Variants in ARNT2 observed in about 807,000 individuals in gnomAD.
ARNT2 encodes aryl hydrocarbon receptor nuclear translocator 2, also known as ARNT protein 2.
In ARNT2, 36 loss-of-function variants were observed where a neutral mutation model predicts 91.7. The ratio of observed to expected loss-of-function variants is 0.39; its 90% confidence interval spans 0.30 to 0.52. The LOEUF (loss-of-function observed/expected upper bound fraction) is 0.52, where lower values mean the gene tolerates loss of function less well. Ranked by LOEUF, ARNT2 falls within the 20% of genes least tolerant of loss-of-function variation. The pLI, the probability that ARNT2 is intolerant of heterozygous loss-of-function variation, is 0.72. For missense variants in ARNT2, 775 were observed against 939.3 expected (o/e 0.83, Z 2.29); for synonymous variants, 365 against 347.1 (o/e 1.05, Z -0.57).
At chr15:80,520,030 A>G (rs1276046524) in intron 8 of ARNT2, among the ~76,000 whole-genome samples, 2 of 141,048 alleles carry the variant, frequency 1.4e-5, no homozygotes, top group Non-Finnish European at 3.1e-5. Context: ...CTTTGTACCT[A>G]TCTTATTTAG....
chr15:80,542,466 T>C (rs1897923801), intron 8 of ARNT2, among the ~76,000 whole-genome samples: 1 of 152,192 alleles, frequency 6.6e-6, no homozygotes, highest in Admixed American at 6.5e-5. Flanking sequence ...GCATTAGGAA[T>C]TAGACAGGGT....
chr15:80,552,810 A>G (rs1898106455), intron 10 of ARNT2, 36 bp downstream of exon 10: 1 of 1,602,814 alleles, frequency 6.2e-7, no homozygotes, highest in African/African-American at 1.3e-5. Flanking sequence ...GCAATTGACT[A>G]GAGATTTAAT....
At chr15:80,559,012 C>T (rs567835401) in intron 11 of ARNT2, among the ~76,000 whole-genome samples, 1 of 151,968 alleles carries the variant, frequency 6.6e-6, no homozygotes, top group Non-Finnish European at 1.5e-5. Flanking sequence ...GTGTTGTCTT[C>T]CCCATTTTTT....
Position 80,551,202 on chromosome 15 carries a change from T to A in ARNT2, c.881T>A (p.Met294Lys). ...ACACAGGTATTTCCCATTTCAGGAA[T>A]GACCATACCTGAAGAAGACGCTGAT... ...GYIKAWPPAG[M>K]TIPEEDADVG... Residue 294 changes from methionine to lysine, a missense_variant, in exon 9 of 19, where the codon ATG becomes AAG. Physicochemically the swap from Met to Lys is moderately conservative, Grantham distance 95 (BLOSUM62 -1). Around this residue, in one of 5 missense-constraint regions of ARNT2, gnomAD observed 285 missense variants for 327.2 expected, o/e 0.87. Transcript: ENST00000303329. 4 of 1,613,728 alleles carry A rather than the reference T, an allele frequency of 2.5e-6. No homozygotes were observed. The highest frequency in any genetic ancestry group is 3.4e-6 in the Non-Finnish European group (4 of 1,179,674).
intron 6 of ARNT2, among the ~76,000 whole-genome samples, chr15:80,510,470 T>A (rs1368561867): frequency 6.6e-6 from 1 of 152,148 alleles, no homozygotes; most frequent in Non-Finnish European, 1.5e-5. Context: ...TCACTGATTA[T>A]TACAGAAATG....
intron 5 of ARNT2, among the ~76,000 whole-genome samples, chr15:80,492,421 G>A (rs569936063): frequency 4.6e-5 from 7 of 152,092 alleles, no homozygotes; most frequent in East Asian, 1.9e-4. Context: ...CCAGTCTCTC[G>A]GGGTCCTTCA....
chr15:80,460,512 A>G (rs1279323811), intron 3 of ARNT2, among the ~76,000 whole-genome samples: 1 of 152,234 alleles, frequency 6.6e-6, no homozygotes, highest in Non-Finnish European at 1.5e-5. Flanking sequence ...TGCCAGTGCC[A>G]TAAATGTTCT....
chr15:80,446,733 A>T (rs1409479774), intron 1 of ARNT2, among the ~76,000 whole-genome samples: 1 of 150,918 alleles, frequency 6.6e-6, no homozygotes, highest in African/African-American at 2.4e-5. Context: ...AAGATGGCAG[A>T]GTGCTGGAAA....
chr15:80,536,326 C>T (rs1204066046), intron 8 of ARNT2, among the ~76,000 whole-genome samples: 1 of 152,158 alleles, frequency 6.6e-6, no homozygotes, highest in Non-Finnish European at 1.5e-5. Context: ...ATTGGTTGGA[C>T]CAGGTGTGAC....
intron 11 of ARNT2, among the ~76,000 whole-genome samples, chr15:80,561,226 A>C (rs1898341391): frequency 2.6e-5 from 4 of 152,116 alleles, no homozygotes; most frequent in Admixed American, 2.6e-4. Context: ...GATCACAGGG[A>C]CCAAGTCCCC....
At chr15:80,443,145 A>G in intron 1 of ARNT2, 1 of 559,962 alleles carries the variant, frequency 1.8e-6, no homozygotes, top group Non-Finnish European at 2.3e-6. Flanking sequence ...TAAGGAACTA[A>G]TGAGGTGAAG....
intron 8 of ARNT2, among the ~76,000 whole-genome samples, chr15:80,524,320 C>T (rs1897598849): frequency 6.6e-6 from 1 of 152,048 alleles, no homozygotes. Flanking sequence ...TTAGTACAAA[C>T]CTTTTGTAGA....
intron 5 of ARNT2, among the ~76,000 whole-genome samples, chr15:80,506,146 C>G (rs939506152): frequency 6.6e-6 from 1 of 151,942 alleles, no homozygotes; most frequent in South Asian, 2.1e-4. Flanking sequence ...CCTTGTTAGC[C>G]AGGATGGTCT....
intron 4 of ARNT2, 83 bp downstream of exon 4, chr15:80,470,514 G>A (rs1473213917): frequency 1.0e-5 from 15 of 1,454,408 alleles, no homozygotes; most frequent in Non-Finnish European, 1.4e-5. Flanking sequence ...GGGGAACCAG[G>A]GCTCAAGGTT....
Position 80,554,908 on chromosome 15 carries a change from A to G in ARNT2, c.1090-157A>G, listed in dbSNP as rs1898150013. On this transcript the variant is annotated intron_variant, in intron 10 of 18. Transcript: ENST00000303329. ...AGAAGCCAGTTCTCTGACGGCTCCCAGGGAAATTTTGCACTCACTTTTTCA... is the reference window on the plus strand; with the variant it reads ...AGAAGCCAGTTCTCTGACGGCTCCCGGGGAAATTTTGCACTCACTTTTTCA... 5 of 638,596 alleles carry G rather than the reference A, an allele frequency of 7.8e-6. No homozygotes were observed. The East Asian group carries it at 1.1e-4, about 13-fold the overall frequency. The allele number at this position is 638,596 out of a possible 1,614,324, so 39.6% of individuals were successfully genotyped here. A position where few individuals can be genotyped will look rare whatever the true frequency, so the allele number is the denominator to read the frequency against.
chr15:80,472,514 C>T (rs1156946911), intron 4 of ARNT2, among the ~76,000 whole-genome samples: 3 of 152,210 alleles, frequency 2.0e-5, no homozygotes, highest in Non-Finnish European at 4.4e-5. Flanking sequence ...TTATTACTGT[C>T]TGTTCTGTGG....
chr15:80,444,355 G>GGTGTGT lies in ARNT2; in HGVS notation c.32-6503_32-6498dup, dbSNP rs59533738. ...CGGTGTGTGTGGTTTGTGTGTACGTGGTGTGTGTGTGTGTGTGTGTGTGTG... is the reference window on the plus strand; with the variant it reads ...CGGTGTGTGTGGTTTGTGTGTACGTGGTGTGTGTGTGTGTGTGTGTGTGTGTGTGTG... On this transcript the variant is annotated intron_variant, in intron 1 of 18. Transcript: ENST00000303329. 3.4e-3 allele frequency: 507 copies of GGTGTGT among 150,574 alleles called. 4 individuals are homozygous for GGTGTGT. The highest frequency in any genetic ancestry group is 0.012 in the African/African-American group (469 of 40,434). 9.3% of individuals were successfully genotyped at this position (150,574 alleles called of 1,614,324 possible). A position where few individuals can be genotyped will look rare whatever the true frequency, so the allele number is the denominator to read the frequency against.
intron 8 of ARNT2, among the ~76,000 whole-genome samples, chr15:80,547,216 C>T (rs778132108): frequency 6.6e-6 from 1 of 152,076 alleles, no homozygotes; most frequent in Non-Finnish European, 1.5e-5. Context: ...TCAACATTTG[C>T]GCTGATGGCG....
At chr15:80,434,851 T>C (rs964420343) in intron 1 of ARNT2, among the ~76,000 whole-genome samples, 1 of 151,690 alleles carries the variant, frequency 6.6e-6, no homozygotes, top group Non-Finnish European at 1.5e-5. Context: ...AGGTAAGAAG[T>C]GGTACTTTCA....
Sources: allele counts gnomAD v4.1 joint callset (sites outside exome capture counted in the v4.1 genomes callset), GRCh38; gene constraint gnomAD v4.1.1; regional missense constraint gnomAD v4.1.1; transcripts MANE v1.5; gene names NCBI Gene and HGNC (gene_info 2026-07-23, HGNC 2026-07-21).